HIVEP2: variants seen among roughly 807,000 people sequenced by gnomAD.
HIVEP2 encodes the protein transcription factor HIVEP2.
A neutral mutation model predicts 180.7 loss-of-function variants in HIVEP2; 14 were observed. The observed-to-expected ratio is 0.08, with a 90% CI of 0.05 to 0.12. The LOEUF (loss-of-function observed/expected upper bound fraction) is 0.12, where lower values mean the gene tolerates loss of function less well. Among genes scored for constraint, HIVEP2 ranks in the 10% least tolerant of loss-of-function variants. HIVEP2 has a pLI of 1.00. For synonymous variants in HIVEP2, 1,184 were observed against 1,136.4 expected, an observed-to-expected ratio of 1.04 and a Z score of -0.84; for missense variants, 2,579 against 3,008.5, an observed-to-expected ratio of 0.86 and a Z score of 3.34.
At chr6:142,885,011 T>C (rs1296757308) in intron 1 of HIVEP2, among the ~76,000 whole-genome samples, 1 of 152,184 alleles carries the variant, frequency 6.6e-6, no homozygotes, top group Non-Finnish European at 1.5e-5. Context: ...AATTCCTACA[T>C]AGCACTAGGA....
At chr6:142,903,770 A>C (rs1272893572) in intron 1 of HIVEP2, among the ~76,000 whole-genome samples, 1 of 152,200 alleles carries the variant, frequency 6.6e-6, no homozygotes, top group East Asian at 1.9e-4. Context: ...TGTTATCAAC[A>C]AGGATGTCTT....
intron 2 of HIVEP2, among the ~76,000 whole-genome samples, chr6:142,818,716 AAAGAAAAG>A (rs1456048273): frequency 1.0e-5 from 1 of 95,500 alleles, no homozygotes; most frequent in Non-Finnish European, 2.3e-5. Context: ...AGAAAGAAAG[AAAGAAAAG>A]AAAGAAAGAA....
chr6:142,879,811 T>C (rs928802758), intron 1 of HIVEP2, among the ~76,000 whole-genome samples: 1 of 152,098 alleles, frequency 6.6e-6, no homozygotes, highest in African/African-American at 2.4e-5. Context: ...TCTCCAAACA[T>C]GGCTCACCCA....
chr6:142,791,052 A>G (rs1461397671), intron 2 of HIVEP2, among the ~76,000 whole-genome samples: 1 of 152,234 alleles, frequency 6.6e-6, no homozygotes, highest in Non-Finnish European at 1.5e-5. Flanking sequence ...AGCTGCTGAA[A>G]GAATCAATTC....
intron 1 of HIVEP2, among the ~76,000 whole-genome samples, chr6:142,843,838 T>A (rs771935539): frequency 6.6e-6 from 1 of 152,228 alleles, no homozygotes; most frequent in Non-Finnish European, 1.5e-5. Flanking sequence ...GAGCACAAAA[T>A]TACCATTTTT....
chr6:142,774,385 G>C lies in HIVEP2; in HGVS notation c.354C>G (p.Ser118Arg), dbSNP rs1371404483. 6 of 1,614,214 alleles carry C rather than the reference G, an allele frequency of 3.7e-6. No homozygotes were observed. The highest frequency in any genetic ancestry group is 5.1e-6 in the Non-Finnish European group (6 of 1,180,040). Residue 118 changes from serine to arginine, a missense_variant, in exon 5 of 10, where the codon AGC becomes AGG. Ser to Arg is a moderately radical substitution (Grantham distance 110). Transcript: ENST00000367603. The surrounding 1 kb of genome is among the most constrained non-coding windows in gnomAD (Gnocchi z 5.1). ...GVMHSTKPHQ[S>R]LEGPPWLFPG... ...GGAAAAGCCACGGAGGACCTTCGAG[G>C]CTCTGATGTGGCTTGGTGCTGTGCA...
intron 1 of HIVEP2, among the ~76,000 whole-genome samples, chr6:142,897,422 A>G: frequency 6.6e-6 from 1 of 152,244 alleles, no homozygotes; most frequent in Non-Finnish European, 1.5e-5. Context: ...TATTCATAGA[A>G]GCACTATTTG....
chr6:142,754,224 T>C (rs1389793269), intron 9 of HIVEP2, among the ~76,000 whole-genome samples: 5 of 152,036 alleles, frequency 3.3e-5, no homozygotes, highest in African/African-American at 1.2e-4. Flanking sequence ...ATTTCAGCTC[T>C]GTTTTTTTCA....
chr6:142,877,315 T>C (rs892801747), intron 1 of HIVEP2, among the ~76,000 whole-genome samples: 2 of 152,172 alleles, frequency 1.3e-5, no homozygotes, highest in African/African-American at 4.8e-5. Flanking sequence ...TTTTATTAGG[T>C]GACTGCTAAG....
chr6:142,834,664 T>A (rs1474600862), intron 2 of HIVEP2, among the ~76,000 whole-genome samples: 2 of 152,076 alleles, frequency 1.3e-5, no homozygotes, highest in African/African-American at 2.4e-5. Context: ...TTATAAAAAA[T>A]AATAATAATT....
At chr6:142,828,587 C>T (rs1582895170) in intron 2 of HIVEP2, among the ~76,000 whole-genome samples, 1 of 152,076 alleles carries the variant, frequency 6.6e-6, no homozygotes, top group African/African-American at 2.4e-5. Context: ...CAGCCATATG[C>T]CACCATGCTT....
At chr6:142,842,773 TCGTA>T (rs963818585) in intron 1 of HIVEP2, among the ~76,000 whole-genome samples, 15 of 151,262 alleles carry the variant, frequency 9.9e-5, no homozygotes, top group Non-Finnish European at 1.5e-4. Context: ...GAAAAGGAAA[TCGTA>T]CTTTCTGCTT....
chr6:142,842,228 T>C (rs1371410573), intron 1 of HIVEP2, among the ~76,000 whole-genome samples: 3 of 152,136 alleles, frequency 2.0e-5, no homozygotes, highest in Non-Finnish European at 2.9e-5. Context: ...AGTTCAAAGA[T>C]AGAGAAAAAG....
chr6:142,892,453 T>C (rs1340750772), intron 1 of HIVEP2, among the ~76,000 whole-genome samples: 1 of 152,156 alleles, frequency 6.6e-6, no homozygotes, highest in Admixed American at 6.5e-5. Flanking sequence ...CTTTGGAGCC[T>C]GGCAGTAACC....
chr6:142,847,941 A>G (rs1185678722), intron 1 of HIVEP2, among the ~76,000 whole-genome samples: 1 of 152,246 alleles, frequency 6.6e-6, no homozygotes, highest in Non-Finnish European at 1.5e-5. Context: ...AAACACAGTT[A>G]TATAACATAA....
intron 1 of HIVEP2, among the ~76,000 whole-genome samples, chr6:142,909,120 ATAACATGCATTTTCT>A (rs1222124921): frequency 6.6e-6 from 1 of 152,208 alleles, no homozygotes; most frequent in African/African-American, 2.4e-5. Context: ...TGCCTAACAC[ATAACATGCATTTTCT>A]TAATTAGAAT....
intron 1 of HIVEP2, among the ~76,000 whole-genome samples, chr6:142,852,306 T>G (rs932867298): frequency 6.6e-6 from 1 of 152,220 alleles, no homozygotes; most frequent in Non-Finnish European, 1.5e-5. Context: ...TCGCTTTTTT[T>G]AATAAAATGC....
chr6:142,933,077 C>G (rs1319658332), intron 1 of HIVEP2, among the ~76,000 whole-genome samples: 2 of 152,108 alleles, frequency 1.3e-5, no homozygotes, highest in Non-Finnish European at 2.9e-5. Flanking sequence ...CAACTGGGAC[C>G]GATGATGCAG....
chr6:142,819,531 A>G (rs1291364992), intron 2 of HIVEP2, among the ~76,000 whole-genome samples: 3 of 152,218 alleles, frequency 2.0e-5, no homozygotes, highest in Non-Finnish European at 4.4e-5. Context: ...AGGGAAGAAG[A>G]TTCATATATT....
Sources: allele counts gnomAD v4.1 joint callset (sites outside exome capture counted in the v4.1 genomes callset), GRCh38; gene constraint gnomAD v4.1.1; non-coding constraint Gnocchi (gnomAD v3.1); transcripts MANE v1.5; gene names NCBI Gene and HGNC (gene_info 2026-07-23, HGNC 2026-07-21).